Variants in MED23 observed in about 807,000 individuals in gnomAD.
The protein encoded by MED23 is mediator of RNA polymerase II transcription subunit 23.
A neutral mutation model predicts 163.9 loss-of-function variants in MED23; 105 were observed. That is an observed-to-expected ratio of 0.64 (90% CI 0.55 to 0.75). The LOEUF (loss-of-function observed/expected upper bound fraction) is 0.75, where lower values mean the gene tolerates loss of function less well. Among genes scored for constraint, MED23 ranks in the 30% least tolerant of loss-of-function variants. The pLI, the probability that MED23 is intolerant of heterozygous loss-of-function variation, is 0.00. For missense variants in MED23, 1,054 were observed against 1,649.0 expected, an observed-to-expected ratio of 0.64 and a Z score of 6.25; for synonymous variants, 561 against 565.6, an observed-to-expected ratio of 0.99 and a Z score of 0.12.
downstream of MED23, among the ~76,000 whole-genome samples, chr6:131,585,280 A>C (rs747376190): frequency 3.3e-4 from 51 of 152,316 alleles, no homozygotes; most frequent in Admixed American, 1.3e-3. Context: ...TTCTCCTCCC[A>C]GTAATTTATG....
chr6:131,612,010 T>A (rs936660370), intron 10 of MED23, among the ~76,000 whole-genome samples: 2 of 152,140 alleles, frequency 1.3e-5, no homozygotes, highest in Admixed American at 6.5e-5. Flanking sequence ...AATAGTACGA[T>A]TTTGACAAAG....
chr6:131,628,136 G>C lies in MED23; in HGVS notation c.-87C>G. The stretch of plus-strand genomic sequence containing the variant: ...GGGAATATAGGGGCAGAGGGGCGGA[G>C]ACCTCTGGAGGAAACCGTAGCTCCT... On this transcript the variant is annotated 5_prime_UTR_variant, in exon 1 of 29. Transcript: ENST00000368068. The C allele has an allele frequency of 6.8e-7, 1 of 1,472,466 alleles. No homozygotes were observed. Among genetic ancestry groups the C allele is most frequent in the East Asian group, 2.3e-5 (1 of 44,242 alleles). The allele number at this position is 1,472,466 out of a possible 1,614,324, so 91.2% of individuals were successfully genotyped here.
intron 16 of MED23, 66 bp from the exon 17 acceptor site, chr6:131,602,447 T>C (rs1476306729): frequency 1.1e-5 from 16 of 1,436,352 alleles, no homozygotes; most frequent in Non-Finnish European, 1.5e-5. Context: ...AATCTAAGGT[T>C]AATTACAATG....
Position 131,606,480 on chromosome 6 carries a change from C to T in MED23, c.1366G>A (p.Glu456Lys), listed in dbSNP as rs1294988228. The stretch of plus-strand genomic sequence containing the variant: ...AGTATCAAGCAACAAATAACTTACT[C>T]ATGGTGAAGTCTTAGGGAATGAGGT... ...PIPHSLRLHH[E>K]FLQQSLRNKS... The change falls in exon 13 of 29, where the codon GAG (glutamate) becomes AAG (lysine). Residue 456 changes from glutamate (E) to lysine (K), a missense_variant and splice_region_variant. This residue lies in a region of MED23 where 39 missense variants were observed against 50.5 expected (regional missense o/e 0.77). Coordinates refer to ENST00000368068, the MANE Select transcript of MED23 (RefSeq NM_004830.4). 1 of 1,612,804 alleles carries T rather than the reference C, an allele frequency of 6.2e-7. No individual in the cohort carries two copies. The highest frequency in any genetic ancestry group is 1.7e-5 in the Admixed American group (1 of 59,934).
At position 131,602,378 on chromosome 6, in the gene MED23, G is replaced by A. The variant is rs556659890; in HGVS notation, c.1935C>T (p.Val645=). The A allele has an allele frequency of 8.7e-6, 14 of 1,611,950 alleles. No homozygotes were observed. The highest frequency in any genetic ancestry group is 6.7e-5 in the Admixed American group (4 of 59,806). ...QTNQNQLHLC[V]ESTALRLITA... Reference sequence around the variant, plus strand: ...TTATAAGCCTGAGAGCAGTGCTCTCGACACTGAAAATTGGGAGAATAAAAA... The same window carrying A: ...TTATAAGCCTGAGAGCAGTGCTCTCAACACTGAAAATTGGGAGAATAAAAA... The change falls in exon 17 of 29, where the codon GTC becomes GTT. Residue 645 remains valine (V), a synonymous_variant. Transcript: ENST00000368068.
At chr6:131,594,707 A>T (rs1774910449) in intron 22 of MED23, among the ~76,000 whole-genome samples, 1 of 152,198 alleles carries the variant, frequency 6.6e-6, no homozygotes, top group Admixed American at 6.5e-5. Flanking sequence ...GATAAAGTAA[A>T]TCTGGCATGT....
At position 131,600,143 on chromosome 6, in the gene MED23, A is replaced by T; in HGVS notation, c.2115T>A (p.Asp705Glu). Residue 705 changes from aspartate to glutamate, a missense_variant, in exon 18 of 29, where the codon GAT (aspartate) becomes GAA (glutamate). Physicochemically the swap from Asp to Glu is conservative, Grantham distance 45. Coordinates refer to ENST00000368068, the MANE Select transcript of MED23 (RefSeq NM_004830.4). ...CTTTACACCAAGTTCCCTGAATTGA[A>T]TCAGAGCCTGTAAAAAAATCTAAAC... ...THVTDFFTGS[D>E]SIQGTWCKDI... 1 of 1,610,846 alleles carries T rather than the reference A, an allele frequency of 6.2e-7. No homozygotes were observed. The highest frequency in any genetic ancestry group is 8.5e-7 in the Non-Finnish European group (1 of 1,177,014).
At chr6:131,626,524 T>C (rs1777514998) in intron 3 of MED23, among the ~76,000 whole-genome samples, 1 of 152,208 alleles carries the variant, frequency 6.6e-6, no homozygotes, top group Non-Finnish European at 1.5e-5. Flanking sequence ...GTGTACATGG[T>C]ATATGATCAT....
chr6:131,627,152 G>T (rs1777560210), intron 3 of MED23: 3 of 461,900 alleles, frequency 6.5e-6, no homozygotes, highest in Admixed American at 7.7e-5. Flanking sequence ...CTAACATAGG[G>T]GAGGTTTTTT....
At chr6:131,620,309 C>A (rs1043881898) in intron 7 of MED23, among the ~76,000 whole-genome samples, 1 of 151,984 alleles carries the variant, frequency 6.6e-6, no homozygotes, top group Non-Finnish European at 1.5e-5. Context: ...GTGTGTGAGA[C>A]AGGGTCTCGT....
Position 131,594,216 on chromosome 6 carries a change from G to A in MED23, c.3115C>T (p.Pro1039Ser). Reference sequence around the variant, plus strand: ...GTGTCACTTAGACACCAGCCCTGCGGTCGATTATCCTTCAGAGAGCCAATG... The same window carrying A: ...GTGTCACTTAGACACCAGCCCTGCGATCGATTATCCTTCAGAGAGCCAATG... Reference protein sequence around the residue: ...AIIGSLKDNRPQGWCLSDTYL... With the variant: ...AIIGSLKDNRSQGWCLSDTYL... The change falls in exon 23 of 29, where the codon CCG (proline) becomes TCG (serine). Residue 1039 changes from proline (P) to serine (S), a missense_variant. By Grantham distance (74) the Pro-to-Ser change is moderately conservative. Coordinates refer to ENST00000368068, the MANE Select transcript of MED23 (RefSeq NM_004830.4). 3.1e-6 allele frequency: 5 copies of A among 1,614,130 alleles called. No homozygotes were observed. The highest frequency in any genetic ancestry group is 3.4e-6 in the Non-Finnish European group (4 of 1,180,022).
chr6:131,603,064 C>A lies in MED23; in HGVS notation c.1897G>T (p.Val633Phe). 1 of 1,613,928 alleles carries A rather than the reference C, an allele frequency of 6.2e-7. No individual in the cohort carries two copies. The highest frequency in any genetic ancestry group is 1.1e-5 in the South Asian group (1 of 91,080). ...AGCTGGTTCTGGTTTGTTTGTGCAA[C>A]TGCAGCCAAAGTATGAAGATGACTC... ...LLSHLHTLAA[V>F]AQTNQNQLHL... The change falls in exon 16 of 29, where the codon GTT becomes TTT. Residue 633 changes from valine to phenylalanine, a missense_variant. Physicochemically the swap from Val to Phe is conservative, Grantham distance 50. Around this residue, in one of 11 missense-constraint regions of MED23, gnomAD observed 228 missense variants for 461.3 expected, o/e 0.49. Transcript: ENST00000368068.
chr6:131,581,972 C>T (rs889754720), downstream of MED23, among the ~76,000 whole-genome samples: 1 of 152,180 alleles, frequency 6.6e-6, no homozygotes, highest in Non-Finnish European at 1.5e-5. Flanking sequence ...TTTAATATTA[C>T]AGCTTATAAC....
intron 10 of MED23, among the ~76,000 whole-genome samples, chr6:131,610,884 T>A (rs889280258): frequency 7.9e-5 from 12 of 152,104 alleles, no homozygotes; most frequent in African/African-American, 2.4e-4. Flanking sequence ...AAGCCAAACA[T>A]AATGCAGCTT....
downstream of MED23, chr6:131,582,532 A>C: frequency 1.1e-6 from 1 of 945,076 alleles, no homozygotes; most frequent in Non-Finnish European, 1.7e-6. Flanking sequence ...AATATAAGAT[A>C]TACGCAATCC....
intron 4 of MED23, among the ~76,000 whole-genome samples, chr6:131,624,232 C>T (rs1777322677): frequency 6.6e-6 from 1 of 152,148 alleles, no homozygotes; most frequent in Non-Finnish European, 1.5e-5. Context: ...TCTGGGCAGA[C>T]CTAAGACTAT....
At chr6:131,621,837 T>A (rs565618898) in intron 6 of MED23, 44 bp downstream of exon 6, 1 of 1,383,742 alleles carries the variant, frequency 7.2e-7, no homozygotes, top group South Asian at 1.3e-5. Context: ...AAAGCTAGAC[T>A]TTTTTGAGGT....
rs751232578 is a variant in MED23 at position 131,603,205 on chromosome 6, C to A, written c.1757-1G>T. The A allele has an allele frequency of 1.2e-6, 2 of 1,613,542 alleles. No individual in the cohort carries two copies. The highest frequency in any genetic ancestry group is 3.3e-5 in the Admixed American group (2 of 59,958). On this transcript the variant is annotated splice_acceptor_variant, in intron 15 of 28. Coordinates refer to ENST00000368068, the MANE Select transcript of MED23 (RefSeq NM_004830.4). LOFTEE classifies it high-confidence loss of function. ...TTGAAAACAGTTGGCAAAAGCTGACCTGGAGGAAAAAGACAATTTAAGGTA... is the reference window on the plus strand; with the variant it reads ...TTGAAAACAGTTGGCAAAAGCTGACATGGAGGAAAAAGACAATTTAAGGTA...
At chr6:131,599,419 T>C (rs1016170445) in intron 18 of MED23, among the ~76,000 whole-genome samples, 3 of 152,156 alleles carry the variant, frequency 2.0e-5, no homozygotes, top group African/African-American at 7.2e-5. Context: ...AGGTTTACAG[T>C]TTTTCTGTGA....
Sources: gnomAD v4.1 joint callset for allele counts (sites outside exome capture counted in the v4.1 genomes callset) on GRCh38, gnomAD v4.1.1 for gene constraint, gnomAD v4.1.1 regional missense constraint, MANE v1.5 for transcripts, NCBI Gene and HGNC (gene_info 2026-07-23, HGNC 2026-07-21) for gene names.